ADAM9: variants seen among roughly 807,000 people sequenced by gnomAD.
ADAM9 encodes ADAM metallopeptidase domain 9, also known as disintegrin and metalloproteinase domain-containing protein 9.
In ADAM9, 54 loss-of-function variants were observed where a neutral mutation model predicts 108.1. The ratio of observed to expected loss-of-function variants is 0.50; its 90% CI spans 0.40 to 0.63. The LOEUF (loss-of-function observed/expected upper bound fraction) is 0.63. Ranked by LOEUF, ADAM9 falls within the 20% of genes least tolerant of loss-of-function variation. The pLI is 0.00. For missense variants in ADAM9, 830 were observed against 997.7 expected (o/e 0.83, Z 2.26); for synonymous variants, 316 against 336.0 (o/e 0.94, Z 0.65).
chr8:39,060,767 TCAAGATCCC>T (rs1210882240), intron 14 of ADAM9, among the ~76,000 whole-genome samples: 4 of 152,216 alleles, frequency 2.6e-5, no homozygotes, highest in Non-Finnish European at 5.9e-5. Flanking sequence ...GAAAAGGTAA[TCAAGATCCC>T]CAAAACTAAA....
Position 39,014,018 on chromosome 8 carries a change from T to C in ADAM9, c.308T>C (p.Leu103Ser). Residue 103 changes from leucine (L) to serine (S), a missense_variant, in exon 4 of 22, where the codon TTA (leucine) becomes TCA (serine). By Grantham distance (145) the Leu-to-Ser change is moderately radical. Coordinates refer to ENST00000487273, the MANE Select transcript of ADAM9 (RefSeq NM_003816.3). ...TATACTTACAACAAGGAAGGGACTT[T>C]AATCACTGACCATCCCAATATACAG... Reference protein sequence around the residue: ...VVYTYNKEGTLITDHPNIQNH... With the variant: ...VVYTYNKEGTSITDHPNIQNH... 1 of 1,613,614 alleles carries C rather than the reference T, an allele frequency of 6.2e-7. No homozygotes were observed. Among genetic ancestry groups the C allele is most frequent in the Non-Finnish European group, 8.5e-7 (1 of 1,179,586 alleles).
In ADAM9 at chr8:39,090,073, C is replaced by T. The variant is rs778594495; in HGVS notation, c.2095C>T (p.Leu699Phe). ...NEMNTALRDG[L>F]LVFFFLIVPL... Reference sequence around the variant, plus strand: ...AATGAATACTGCATTGAGGGACGGACTTCTGGTCTTCTTCTTCCTAATTGT... The same window carrying T: ...AATGAATACTGCATTGAGGGACGGATTTCTGGTCTTCTTCTTCCTAATTGT... Residue 699 changes from leucine (L) to phenylalanine (F), a missense_variant, in exon 19 of 22, where the codon CTT (leucine) becomes TTT (phenylalanine). This residue lies in a region of ADAM9 where 238 missense variants were observed against 235.7 expected (regional missense o/e 1.01). Transcript: ENST00000487273. 3.1e-6 allele frequency: 5 copies of T among 1,613,884 alleles called. No homozygotes were observed. In the Admixed American group the frequency reaches 8.3e-5, roughly 27 times the overall value.
intron 16 of ADAM9, among the ~76,000 whole-genome samples, chr8:39,081,828 T>C (rs1415406004): frequency 6.6e-6 from 1 of 152,226 alleles, no homozygotes; most frequent in Non-Finnish European, 1.5e-5. Flanking sequence ...GTTAGTTACC[T>C]AATAAAATTT....
intron 12 of ADAM9, among the ~76,000 whole-genome samples, chr8:39,051,066 G>A (rs1488783027): frequency 1.3e-5 from 2 of 152,104 alleles, no homozygotes; most frequent in African/African-American, 4.8e-5. Context: ...GAAGCTAGGA[G>A]CTGTGGCAAG....
At position 39,077,417 on chromosome 8, in the gene ADAM9, C is replaced by A. The variant is rs529256979; in HGVS notation, c.1881+6C>A. The A allele has an allele frequency of 1.9e-6, 3 of 1,600,944 alleles. No individual in the cohort carries two copies. Among genetic ancestry groups the A allele is most frequent in the African/African-American group, 2.7e-5 (2 of 74,472 alleles). ...CAAAATGTGGTGCTGGAAAGGTAAT[C>A]AAAATATTTTTTATTTACAAAGTAA... On this transcript the variant is annotated splice_donor_region_variant and intron_variant, in intron 16 of 21. Transcript: ENST00000487273.
intron 20 of ADAM9, among the ~76,000 whole-genome samples, chr8:39,097,309 C>CT (rs369116377): frequency 0.022 from 3,020 of 139,320 alleles, 51 homozygotes; most frequent in Non-Finnish European, 0.032. Flanking sequence ...GTCTCTCTGA[C>CT]TTTTTTTTTT....
chr8:39,052,042 G>T (rs79793826), intron 12 of ADAM9, among the ~76,000 whole-genome samples: 21 of 152,024 alleles, frequency 1.4e-4, no homozygotes, highest in Non-Finnish European at 2.8e-4. Flanking sequence ...GTATCTAAAA[G>T]CATGTACATT....
intron 1 of ADAM9, among the ~76,000 whole-genome samples, chr8:39,005,177 A>G (rs1836122273): frequency 6.6e-6 from 1 of 152,130 alleles, no homozygotes; most frequent in Non-Finnish European, 1.5e-5. Context: ...TTCAGGCTGA[A>G]TAGGGGCAAT....
chr8:39,091,487 G>A, intron 20 of ADAM9, 141 bp downstream of exon 20: 1 of 804,992 alleles, frequency 1.2e-6, no homozygotes, highest in South Asian at 1.7e-5. Flanking sequence ...TGGTCCCTGA[G>A]TTTTTTGTTT....
intron 8 of ADAM9, among the ~76,000 whole-genome samples, chr8:39,022,095 T>TGAGA (rs1181148057): frequency 6.2e-5 from 9 of 144,552 alleles, no homozygotes; most frequent in African/African-American, 2.5e-4. Flanking sequence ...TGTGTGTGTG[T>TGAGA]GTGAGAGAGA....
intron 9 of ADAM9, 86 bp from the exon 10 acceptor site, chr8:39,025,716 CA>C: frequency 7.7e-7 from 1 of 1,297,992 alleles, no homozygotes; most frequent in Non-Finnish European, 1.1e-6. Context: ...TAGGTTCTCC[CA>C]ATCCAGTTGA....
chr8:39,027,914 A>G (rs2129434569), intron 11 of ADAM9, among the ~76,000 whole-genome samples: 1 of 152,116 alleles, frequency 6.6e-6, no homozygotes, highest in Admixed American at 6.5e-5. Flanking sequence ...AAAAAAAAAT[A>G]AATAAATAAA....
intron 5 of ADAM9, among the ~76,000 whole-genome samples, chr8:39,016,629 AACATT>A (rs1836538065): frequency 6.6e-6 from 1 of 152,192 alleles, no homozygotes; most frequent in Non-Finnish European, 1.5e-5. Flanking sequence ...TTATAGTATT[AACATT>A]ACATTCCTTG....
chr8:39,010,691 A>G (rs1202842957), intron 2 of ADAM9, among the ~76,000 whole-genome samples: 1 of 152,248 alleles, frequency 6.6e-6, no homozygotes, highest in Non-Finnish European at 1.5e-5. Flanking sequence ...TGCCTGAGGT[A>G]GAGAAGATGA....
At chr8:39,085,938 T>C (rs943230281) in intron 18 of ADAM9, among the ~76,000 whole-genome samples, 2 of 152,168 alleles carry the variant, frequency 1.3e-5, no homozygotes, top group East Asian at 1.9e-4. Flanking sequence ...TATGTATATT[T>C]GGCTGCTTGG....
chr8:39,026,025 CT>C (rs1836909185), intron 10 of ADAM9, 141 bp downstream of exon 10: 9 of 802,536 alleles, frequency 1.1e-5, no homozygotes, highest in Non-Finnish European at 1.9e-5. Flanking sequence ...CAGATGGGTT[CT>C]TTCCCCAGAG....
At chr8:39,088,837 G>A (rs370956923) in intron 18 of ADAM9, among the ~76,000 whole-genome samples, 1 of 152,128 alleles carries the variant, frequency 6.6e-6, no homozygotes, top group East Asian at 1.9e-4. Flanking sequence ...CTTGTATCAT[G>A]GACAAAGCTA....
chr8:39,026,919 G>C, intron 11 of ADAM9, 109 bp downstream of exon 11: 1 of 1,457,410 alleles, frequency 6.9e-7, no homozygotes, highest in Non-Finnish European at 9.5e-7. Context: ...TGTTATTTCC[G>C]GTTTGCTGAA....
At chr8:39,022,122 AAGAG>A (rs1474388880) in intron 8 of ADAM9, among the ~76,000 whole-genome samples, 1 of 109,700 alleles carries the variant, frequency 9.1e-6, no homozygotes, top group Admixed American at 8.7e-5. Flanking sequence ...GAGAGAGAGA[AAGAG>A]AGTGTTTGGT....
Sources: gnomAD v4.1 joint callset for allele counts (sites outside exome capture counted in the v4.1 genomes callset) on GRCh38, gnomAD v4.1.1 for gene constraint, gnomAD v4.1.1 regional missense constraint, MANE v1.5 for transcripts, NCBI Gene and HGNC (gene_info 2026-07-23, HGNC 2026-07-21) for gene names.